TM4SF20: variants seen among roughly 807,000 people sequenced by gnomAD.
The protein encoded by TM4SF20 is transmembrane 4 L six family member 20.
In TM4SF20, 13 loss-of-function variants were observed where a neutral mutation model predicts 15.1. The ratio of observed to expected loss-of-function variants is 0.86; its 90% confidence interval spans 0.56 to 1.36. The LOEUF is 1.36. TM4SF20 is among the 40% of genes most tolerant of loss of function. The pLI, the probability that TM4SF20 is intolerant of heterozygous loss-of-function variation, is 0.00. For missense variants in TM4SF20, 282 were observed against 268.4 expected (o/e 1.05, Z -0.35); for synonymous variants, 92 against 96.6 (o/e 0.95, Z 0.28).
Position 227,366,081 on chromosome 2 carries a change from C to A in TM4SF20, c.401+12G>T. The A allele has an allele frequency of 6.2e-7, 1 of 1,609,330 alleles. No individual in the cohort carries two copies. Among genetic ancestry groups the A allele is most frequent in the Non-Finnish European group, 8.5e-7 (1 of 1,178,060 alleles). On this transcript the variant is annotated intron_variant, in intron 3 of 3. Coordinates refer to ENST00000304568, the MANE Select transcript of TM4SF20 (RefSeq NM_024795.4). ...TGTGAGACAGTAAGCCTGTGAAAAT[C>A]AAGTTACTTACCTGATGTTTTTCAA...
upstream of TM4SF20, among the ~76,000 whole-genome samples, chr2:227,380,595 T>C (rs779646378): frequency 2.6e-5 from 4 of 152,224 alleles, no homozygotes; most frequent in Non-Finnish European, 5.9e-5. Context: ...CAGTTATGCA[T>C]GAGTTCAAGT....
At chr2:227,364,178 T>G (rs900151892) in intron 3 of TM4SF20, among the ~76,000 whole-genome samples, 166 bp from the exon 4 acceptor site, 1 of 152,138 alleles carries the variant, frequency 6.6e-6, no homozygotes, top group Non-Finnish European at 1.5e-5. Context: ...ACTCTACTAG[T>G]TACAAAACTT....
upstream of TM4SF20, among the ~76,000 whole-genome samples, chr2:227,379,820 C>A (rs36032032): frequency 1.3e-5 from 2 of 152,190 alleles, no homozygotes; most frequent in African/African-American, 4.8e-5. Flanking sequence ...GATAGCCCAC[C>A]TAAGACATGT....
At chr2:227,380,084 T>A (rs185086512), upstream of TM4SF20, among the ~76,000 whole-genome samples, 1 of 152,342 alleles carries the variant, frequency 6.6e-6, no homozygotes, top group African/African-American at 2.4e-5. Context: ...ATCTCAGTGC[T>A]TTGGGAGGCC....
intron 1 of TM4SF20, among the ~76,000 whole-genome samples, chr2:227,374,426 CTG>C (rs770658258): frequency 2.1e-5 from 2 of 94,604 alleles, no homozygotes; most frequent in African/African-American, 7.4e-5. Flanking sequence ...GACACTAAAA[CTG>C]TGAATGGTGT....
chr2:227,365,092 G>GT (rs1298515584), intron 3 of TM4SF20, among the ~76,000 whole-genome samples: 2 of 152,214 alleles, frequency 1.3e-5, no homozygotes, highest in Non-Finnish European at 2.9e-5. Flanking sequence ...TGTATTTTCA[G>GT]TAGTGATGCA....
rs1042631474 is a variant in TM4SF20 at position 227,363,807 on chromosome 2, C to T, written c.607G>A (p.Val203Ile). The T allele has an allele frequency of 1.9e-6, 3 of 1,614,140 alleles. No individual in the cohort carries two copies. The highest frequency in any genetic ancestry group is 8.5e-7 in the Non-Finnish European group (1 of 1,180,026). The change falls in exon 4 of 4, where the codon GTC becomes ATC. Residue 203 changes from valine to isoleucine, a missense_variant. Val to Ile is a conservative substitution (Grantham distance 29). Coordinates refer to ENST00000304568, the MANE Select transcript of TM4SF20 (RefSeq NM_024795.4). ...ACTATCTGACTGAGCCCAAACAGGA[C>T]CTCCAGAATTCCAACAAGCAATAGA... ...LGLLLVGILE[V>I]LFGLSQIVIG...
intron 1 of TM4SF20, among the ~76,000 whole-genome samples, chr2:227,376,147 T>C (rs551264236): frequency 1.2e-4 from 19 of 152,336 alleles, no homozygotes; most frequent in African/African-American, 4.3e-4. Context: ...ATTCCATAGT[T>C]TGTATAATTA....
chr2:227,372,433 C>T (rs1473560703), intron 1 of TM4SF20, among the ~76,000 whole-genome samples: 3 of 151,990 alleles, frequency 2.0e-5, no homozygotes, highest in Non-Finnish European at 4.4e-5. Context: ...ATCACGAGGT[C>T]AGGAGATCGA....
At chr2:227,364,056 G>A in intron 3 of TM4SF20, 44 bp from the exon 4 acceptor site, 1 of 1,553,690 alleles carries the variant, frequency 6.4e-7, no homozygotes, top group African/African-American at 1.4e-5. Context: ...AAATATCCCT[G>A]ACCAAAGGAA....
chr2:227,364,227 A>G (rs187619129), intron 3 of TM4SF20, among the ~76,000 whole-genome samples: 2 of 152,158 alleles, frequency 1.3e-5, no homozygotes, highest in African/African-American at 2.4e-5. Flanking sequence ...AAGCATCTCT[A>G]TGGTACATCT....
chr2:227,366,928 C>A (rs914209625), intron 2 of TM4SF20, among the ~76,000 whole-genome samples: 1 of 151,898 alleles, frequency 6.6e-6, no homozygotes, highest in African/African-American at 2.4e-5. Flanking sequence ...TCTCTTGGCT[C>A]GCAAGCGTTT....
At chr2:227,368,085 A>C (rs1315917338) in intron 2 of TM4SF20, among the ~76,000 whole-genome samples, 1 of 136,142 alleles carries the variant, frequency 7.3e-6, no homozygotes. Flanking sequence ...GTGCAGTGGC[A>C]TGATCTCGGC....
upstream of TM4SF20, among the ~76,000 whole-genome samples, chr2:227,380,878 T>C (rs1381192675): frequency 6.6e-6 from 1 of 152,166 alleles, no homozygotes; most frequent in Non-Finnish European, 1.5e-5. Flanking sequence ...TCCCTGGTAA[T>C]GGACACCAAA....
In TM4SF20 at chr2:227,364,023, A is replaced by G. The variant is rs1262756240; in HGVS notation, c.402-11T>C. On this transcript the variant is annotated splice_polypyrimidine_tract_variant and intron_variant, in intron 3 of 3. Transcript: ENST00000304568. ...TCTGGATGAATGTCACTGAAAAACA[A>G]AAGATAAAAATCAGATATTCAGAAA... 1 of 1,600,660 alleles carries G rather than the reference A, an allele frequency of 6.2e-7. No individual in the cohort carries two copies. Among genetic ancestry groups the G allele is most frequent in the Non-Finnish European group, 8.5e-7 (1 of 1,173,006 alleles).
At chr2:227,369,464 T>C (rs930873347) in intron 2 of TM4SF20, among the ~76,000 whole-genome samples, 1 of 145,542 alleles carries the variant, frequency 6.9e-6, no homozygotes, top group Non-Finnish European at 1.5e-5. Flanking sequence ...CTTACTCATC[T>C]GTTGCCCAGG....
chr2:227,371,892 C>T (rs1235852114), intron 1 of TM4SF20, among the ~76,000 whole-genome samples: 2 of 152,152 alleles, frequency 1.3e-5, no homozygotes, highest in East Asian at 3.8e-4. Flanking sequence ...ATCTATAGAT[C>T]GCATTCTGCC....
intron 1 of TM4SF20, among the ~76,000 whole-genome samples, chr2:227,378,039 T>A (rs1322749142): frequency 1.3e-5 from 2 of 151,634 alleles, no homozygotes; most frequent in African/African-American, 4.9e-5. Flanking sequence ...AAAACACTGA[T>A]AATATCAGTC....
intron 1 of TM4SF20, 21 bp downstream of exon 1, chr2:227,379,065 A>G (rs747719608): frequency 1.2e-6 from 2 of 1,610,924 alleles, no homozygotes; most frequent in East Asian, 2.2e-5. Context: ...CTTCACATCA[A>G]GTCAAATAAA....
Sources: allele counts gnomAD v4.1 joint callset (sites outside exome capture counted in the v4.1 genomes callset), GRCh38; gene constraint gnomAD v4.1.1; transcripts MANE v1.5; gene names NCBI Gene and HGNC (gene_info 2026-07-23, HGNC 2026-07-21).